Variants in SAMD12 observed in about 807,000 individuals in gnomAD.
SAMD12 encodes sterile alpha motif domain-containing protein 12.
A neutral mutation model predicts 15.0 loss-of-function variants in SAMD12; 9 were observed. The ratio of observed to expected loss-of-function variants is 0.60; its 90% CI spans 0.36 to 1.05. The LOEUF (loss-of-function observed/expected upper bound fraction) is 1.05. Ranked by LOEUF, SAMD12 falls within the 50% of genes least tolerant of loss-of-function variation. SAMD12 has a pLI of 0.01. For missense variants in SAMD12, 230 were observed against 234.2 expected (o/e 0.98, Z 0.12); for synonymous variants, 86 against 90.1 (o/e 0.96, Z 0.25).
chr8:118,516,640 T>TTC (rs1264413418), intron 2 of SAMD12, among the ~76,000 whole-genome samples: 2 of 148,592 alleles, frequency 1.3e-5, no homozygotes, highest in Non-Finnish European at 3.0e-5. Context: ...CTTTCTTTCT[T>TTC]TTTTTTTTTT....
Position 118,475,398 on chromosome 8 carries a change from T to C in SAMD12, c.193-35437A>G, listed in dbSNP as rs185525797. ...TCACTAGATGCAGATGCCAGGGCCA[T>C]CCTTCCTGTGCAGCCTGCAGAACTG... is the stretch of plus-strand genomic sequence containing the variant. On this transcript the variant is annotated intron_variant, in intron 2 of 3. Coordinates refer to ENST00000314727, the MANE Select transcript of SAMD12 (RefSeq NM_207506.3). 2.8e-4 allele frequency among the ~76,000 whole-genome samples: 43 copies of C among 152,306 alleles called. No individual in the cohort carries two copies. The East Asian group carries it at 6.8e-3, about 24-fold the overall frequency.
rs189704764 is a variant in SAMD12, at chr8:118,273,926, G to C, written c.434-76194C>G. On this transcript the variant is annotated intron_variant, in intron 4 of 4. Coordinates refer to the SAMD12 transcript ENST00000409003. ...GCCTGGATCCATGACACTAAGAGTG[G>C]CTGTGATCTATCCAGTGTCTACTTT... 1.8e-3 allele frequency among the ~76,000 whole-genome samples: 278 copies of C among 152,310 alleles called. 2 individuals are homozygous for C. The highest frequency in any genetic ancestry group is 2.4e-3 in the Non-Finnish European group (162 of 68,026).
chr8:118,578,237 T>G (rs1827199319), intron 2 of SAMD12, among the ~76,000 whole-genome samples: 2 of 152,222 alleles, frequency 1.3e-5, no homozygotes, highest in South Asian at 2.1e-4. Context: ...GGAAAAATTA[T>G]ATCCCATTGC....
In SAMD12 at chr8:118,328,909, TC is replaced by T. The variant is rs1816684589; in HGVS notation, c.433+50650del. On this transcript the variant is annotated intron_variant, in intron 4 of 4. Transcript: ENST00000409003. ...CATGAAAGCAAGCATCCCATCTTCC[TC>T]CCTTCAGTAATCCAAAGAGGAGGAG... Among the ~76,000 whole-genome samples the T allele has an allele frequency of 2.0e-5, 3 of 152,116 alleles. No individual in the cohort carries two copies. In the South Asian group the frequency reaches 6.2e-4, roughly 32 times the overall value.
At chr8:118,448,848 C>T (rs561980307) in intron 2 of SAMD12, among the ~76,000 whole-genome samples, 9 of 152,288 alleles carry the variant, frequency 5.9e-5, no homozygotes, top group South Asian at 4.1e-4. Context: ...CCTTTCTAAA[C>T]GTATTTCTAA....
At chr8:118,191,762 A>ATT (rs1819384106) in exon 5 of SAMD12, 4 of 13,060 alleles carry the variant, frequency 3.1e-4, no homozygotes, top group Admixed American at 1.4e-3. Context: ...GAGATTATAT[A>ATT]TATATATATA....
intron 4 of SAMD12, among the ~76,000 whole-genome samples, chr8:118,357,767 A>G (rs1168478963): frequency 1.3e-5 from 2 of 152,146 alleles, no homozygotes; most frequent in Non-Finnish European, 2.9e-5. Context: ...GCTCCACAGG[A>G]CCTGGCCTTT....
rs202013367 is a variant in SAMD12 at position 118,559,857 on chromosome 8, G to A, written c.192+20858C>T. On this transcript the variant is annotated intron_variant, in intron 2 of 3. Transcript: ENST00000314727. ...AAAAATTCAATTTGAAATTGATTAT[G>A]TGCTCTTTGTTGACAGGGGTGATGC... 7.2e-5 allele frequency among the ~76,000 whole-genome samples: 11 copies of A among 152,230 alleles called. No homozygotes were observed. In the East Asian group the frequency reaches 2.1e-3, roughly 29 times the overall value.
intron 1 of SAMD12, among the ~76,000 whole-genome samples, chr8:118,583,662 A>C (rs561549568): frequency 1.3e-5 from 2 of 151,602 alleles, no homozygotes; most frequent in African/African-American, 4.8e-5. Flanking sequence ...TGCTGGTCCT[A>C]CTCCAACCTA....
At chr8:118,610,932 T>C (rs1430575815) in intron 1 of SAMD12, among the ~76,000 whole-genome samples, 1 of 152,208 alleles carries the variant, frequency 6.6e-6, no homozygotes, top group Non-Finnish European at 1.5e-5. Flanking sequence ...TAAATAAGTT[T>C]AGTAAGAATG....
At chr8:118,485,401 G>A (rs1193572581) in intron 2 of SAMD12, among the ~76,000 whole-genome samples, 1 of 152,162 alleles carries the variant, frequency 6.6e-6, no homozygotes. Context: ...CTGACTGGAT[G>A]GTGAGAGAAG....
the SAMD12 span, among the ~76,000 whole-genome samples, chr8:118,156,526 C>A: frequency 6.6e-6 from 1 of 152,152 alleles, no homozygotes; most frequent in Non-Finnish European, 1.5e-5. Flanking sequence ...TCATTACTCA[C>A]CTAACAAAAC....
At chr8:118,162,873 A>C in the SAMD12 span, among the ~76,000 whole-genome samples, 1 of 152,228 alleles carries the variant, frequency 6.6e-6, no homozygotes, top group Non-Finnish European at 1.5e-5. Context: ...CTAGTATCAA[A>C]CACAGCATTA....
chr8:118,578,401 T>TA (rs1363935079), intron 2 of SAMD12, among the ~76,000 whole-genome samples: 3 of 152,304 alleles, frequency 2.0e-5, no homozygotes, highest in South Asian at 4.1e-4. Context: ...GGCACACATT[T>TA]AAAATTTTGA....
chr8:118,284,449 C>G (rs1813822879), intron 4 of SAMD12: 1 of 439,410 alleles, frequency 2.3e-6, no homozygotes, highest in Non-Finnish European at 4.6e-6. Flanking sequence ...CCTGATATAT[C>G]CCTGTCCCCT....
At chr8:118,164,852 T>C in the SAMD12 span, among the ~76,000 whole-genome samples, 4 of 151,908 alleles carry the variant, frequency 2.6e-5, no homozygotes, top group South Asian at 4.2e-4. Flanking sequence ...CATATATATA[T>C]ACACACACAC....
chr8:118,390,410 G>T (rs1483898204), intron 3 of SAMD12, among the ~76,000 whole-genome samples: 3 of 73,120 alleles, frequency 4.1e-5, no homozygotes, highest in Non-Finnish European at 8.6e-5. Context: ...TTTAGGAGTG[G>T]ACTCCACCAA....
At chr8:118,152,377 T>C in the SAMD12 span, among the ~76,000 whole-genome samples, 1 of 152,310 alleles carries the variant, frequency 6.6e-6, no homozygotes, top group East Asian at 1.9e-4. Context: ...GTTTGGTTTT[T>C]CTTTTTCCCT....
intron 4 of SAMD12, among the ~76,000 whole-genome samples, chr8:118,209,857 T>A (rs11562665): frequency 2.6e-5 from 4 of 152,278 alleles, no homozygotes; most frequent in African/African-American, 9.6e-5. Flanking sequence ...AGAGAAGCTA[T>A]TCACAAACAC....
Sources: allele counts gnomAD v4.1 joint callset (sites outside exome capture counted in the v4.1 genomes callset), GRCh38; gene constraint gnomAD v4.1.1; transcripts MANE v1.5; gene names NCBI Gene and HGNC (gene_info 2026-07-23, HGNC 2026-07-21).